AFG2A: variants seen among roughly 807,000 people sequenced by gnomAD.
AFG2A encodes the protein ATPase family gene 2 protein homolog A.
the AFG2A span, among the ~76,000 whole-genome samples, chr4:123,086,340 T>G: frequency 6.6e-5 from 10 of 152,296 alleles, no homozygotes; most frequent in South Asian, 2.1e-3. Flanking sequence ...AGTTTAAATA[T>G]TTCGCTTCAC....
chr4:122,962,459 T>G, the AFG2A span, among the ~76,000 whole-genome samples: 1 of 152,208 alleles, frequency 6.6e-6, no homozygotes, highest in African/African-American at 2.4e-5. Flanking sequence ...GAGATGGAAT[T>G]ATTTTTATCA....
the AFG2A span, among the ~76,000 whole-genome samples, chr4:123,309,495 T>G: frequency 6.6e-6 from 1 of 152,324 alleles, no homozygotes; most frequent in South Asian, 2.1e-4. Flanking sequence ...CTAGTAGCAT[T>G]GGAGATTAAG....
the AFG2A span, among the ~76,000 whole-genome samples, chr4:122,976,600 T>G: frequency 6.6e-6 from 1 of 152,196 alleles, no homozygotes; most frequent in Non-Finnish European, 1.5e-5. Flanking sequence ...TATTCCTCCA[T>G]CCCTGACCCC....
the AFG2A span, among the ~76,000 whole-genome samples, chr4:122,945,702 C>T: frequency 6.6e-6 from 1 of 152,216 alleles, no homozygotes; most frequent in Non-Finnish European, 1.5e-5. Context: ...CCTGGTACCT[C>T]AGATGGAAAT....
the AFG2A span, among the ~76,000 whole-genome samples, chr4:123,038,514 T>C: frequency 6.6e-6 from 1 of 152,076 alleles, no homozygotes. Flanking sequence ...AATACAGTGA[T>C]TTTTGGCAAC....
chr4:123,167,411 G>A, the AFG2A span, among the ~76,000 whole-genome samples: 7 of 151,764 alleles, frequency 4.6e-5, no homozygotes, highest in Non-Finnish European at 8.8e-5. Context: ...GCAGTGGCAC[G>A]ATTTCGGCTC....
At chr4:123,136,687 T>A in the AFG2A span, among the ~76,000 whole-genome samples, 4,346 of 128,442 alleles carry the variant, frequency 0.034, 83 homozygotes, top group Middle Eastern at 0.042. Context: ...AAAAAAAAAA[T>A]ATATATTAGC....
chr4:123,010,004 T>C, the AFG2A span, among the ~76,000 whole-genome samples: 1 of 152,166 alleles, frequency 6.6e-6, no homozygotes, highest in Admixed American at 6.5e-5. Flanking sequence ...TTCATATCTT[T>C]CTGGAGACAA....
chr4:123,295,829 T>C, the AFG2A span, among the ~76,000 whole-genome samples: 1 of 152,352 alleles, frequency 6.6e-6, no homozygotes, highest in African/African-American at 2.4e-5. Context: ...GGAGGACGGC[T>C]TGAGCCCAAG....
chr4:123,073,591 C>G, the AFG2A span, among the ~76,000 whole-genome samples: 1 of 152,020 alleles, frequency 6.6e-6, no homozygotes, highest in Non-Finnish European at 1.5e-5. Flanking sequence ...TTGTTCCTGT[C>G]CAAACTTATT....
At chr4:123,299,125 G>GTT in the AFG2A span, among the ~76,000 whole-genome samples, 15 of 151,018 alleles carry the variant, frequency 9.9e-5, no homozygotes, top group Non-Finnish European at 1.5e-5. Context: ...CAATGTGTGT[G>GTT]TGTGTGTGTG....
the AFG2A span, among the ~76,000 whole-genome samples, chr4:123,011,473 T>A: frequency 1.3e-5 from 2 of 152,290 alleles, no homozygotes; most frequent in South Asian, 4.1e-4. Context: ...TTGGTTTCAC[T>A]CGCGTCCCTG....
chr4:123,081,976 A>G, the AFG2A span, among the ~76,000 whole-genome samples: 10 of 151,882 alleles, frequency 6.6e-5, no homozygotes, highest in African/African-American at 4.8e-5. Context: ...CTATTTTTTA[A>G]TCTGCTTGTT....
the AFG2A span, among the ~76,000 whole-genome samples, chr4:123,004,425 G>A: frequency 2.0e-3 from 301 of 152,296 alleles, no homozygotes; most frequent in African/African-American, 5.8e-3. Context: ...GCTGTAGACC[G>A]GAGCTGTTCC....
chr4:123,058,672 C>A, the AFG2A span, among the ~76,000 whole-genome samples: 1 of 152,156 alleles, frequency 6.6e-6, no homozygotes, highest in Non-Finnish European at 1.5e-5. Context: ...GACTGATTCA[C>A]TACCATGAAA....
chr4:123,048,681 T>C, the AFG2A span, among the ~76,000 whole-genome samples: 1 of 152,170 alleles, frequency 6.6e-6, no homozygotes, highest in Non-Finnish European at 1.5e-5. Context: ...TAATTGCTAT[T>C]GGTGTATAGA....
the AFG2A span, among the ~76,000 whole-genome samples, chr4:123,260,720 G>C: frequency 2.0e-5 from 3 of 152,192 alleles, no homozygotes; most frequent in Non-Finnish European, 4.4e-5. Context: ...ATGTGAGATA[G>C]GAATAAGGAT....
At chr4:123,037,906 A>G in the AFG2A span, among the ~76,000 whole-genome samples, 1 of 152,162 alleles carries the variant, frequency 6.6e-6, no homozygotes, top group African/African-American at 2.4e-5. Flanking sequence ...GGAAACCACA[A>G]TTCTGCATTC....
the AFG2A span, among the ~76,000 whole-genome samples, chr4:122,973,335 T>G: frequency 6.6e-6 from 1 of 152,186 alleles, no homozygotes; most frequent in African/African-American, 2.4e-5. Flanking sequence ...TGGGGTTTTA[T>G]TTTTTTAATC....
Sources: gnomAD v4.1 joint callset for allele counts (sites outside exome capture counted in the v4.1 genomes callset) on GRCh38, gnomAD v4.1.1 for gene constraint, MANE v1.5 for transcripts, NCBI Gene and HGNC (gene_info 2026-07-23, HGNC 2026-07-21) for gene names.